RAP1GDS1: variants seen among roughly 807,000 people sequenced by gnomAD.
The protein encoded by RAP1GDS1 is Rap1 GTPase-GDP dissociation stimulator 1.
RAP1GDS1 carries 35 observed loss-of-function variants against 71.1 expected under a neutral mutation model. The ratio of observed to expected loss-of-function variants is 0.49; its 90% confidence interval spans 0.38 to 0.65. The LOEUF (loss-of-function observed/expected upper bound fraction) is 0.65. Among genes scored for constraint, RAP1GDS1 ranks in the 30% least tolerant of loss-of-function variants. The pLI is 0.00. For synonymous variants in RAP1GDS1, 229 were observed against 243.1 expected, an observed-to-expected ratio of 0.94 and a Z score of 0.54; for missense variants, 663 against 706.1, an observed-to-expected ratio of 0.94 and a Z score of 0.69.
chr4:98,443,069 G>C lies in RAP1GDS1; in HGVS notation c.*952G>C, dbSNP rs926987626. 2.7e-5 allele frequency: 5 copies of C among 181,928 alleles called. No individual in the cohort carries two copies. The highest frequency in any genetic ancestry group is 4.2e-5 in the Non-Finnish European group (4 of 95,932). The allele number at this position is 181,928 out of a possible 1,614,324, so 11.3% of individuals were successfully genotyped here. A position where few individuals can be genotyped will look rare whatever the true frequency, so the allele number is the denominator to read the frequency against. ...TTTTCATCATTCAGCTAGAAAGTGA[G>C]AAGTTTTATCTTCCATAGTCCTTTT... On this transcript the variant is annotated 3_prime_UTR_variant, in exon 15 of 15. Transcript: ENST00000408927.
At chr4:98,350,363 G>A (rs1461529558) in intron 3 of RAP1GDS1, among the ~76,000 whole-genome samples, 1 of 152,156 alleles carries the variant, frequency 6.6e-6, no homozygotes, top group Non-Finnish European at 1.5e-5. Flanking sequence ...TCAGTGAAAA[G>A]GATAATGAAC....
rs1752042669 is a variant in RAP1GDS1, at chr4:98,442,867, T to C, written c.*750T>C. ...ATTACAGAGCATTTCGGGTTTTGCT[T>C]GTATTTTAGATTCTGATACATACGC... On this transcript the variant is annotated 3_prime_UTR_variant, in exon 15 of 15. Coordinates refer to ENST00000408927, the MANE Select transcript of RAP1GDS1 (RefSeq NM_001100427.2). The C allele has an allele frequency of 4.3e-6, 1 of 231,496 alleles. No homozygotes were observed. The highest frequency in any genetic ancestry group is 2.2e-5 in the African/African-American group (1 of 45,262). 14.3% of individuals were successfully genotyped at this position (231,496 alleles called of 1,614,324 possible). A position where few individuals can be genotyped will look rare whatever the true frequency, so the allele number is the denominator to read the frequency against.
At chr4:98,327,227 G>T (rs1038880660) in intron 2 of RAP1GDS1, among the ~76,000 whole-genome samples, 2 of 152,252 alleles carry the variant, frequency 1.3e-5, no homozygotes, top group African/African-American at 4.8e-5. Flanking sequence ...TAACAGAAAT[G>T]ATATTTAGGA....
intron 1 of RAP1GDS1, among the ~76,000 whole-genome samples, chr4:98,263,644 G>GTGTCTTATGAAAAA (rs1722331411): frequency 2.0e-5 from 3 of 152,186 alleles, no homozygotes; most frequent in Non-Finnish European, 4.4e-5. Context: ...AAGATGAAAA[G>GTGTCTTATGAAAAA]TGTCTTATTA....
chr4:98,308,274 A>G (rs1729653142), intron 2 of RAP1GDS1, among the ~76,000 whole-genome samples: 1 of 137,150 alleles, frequency 7.3e-6, no homozygotes, highest in Non-Finnish European at 1.5e-5. Flanking sequence ...ACACACCCAC[A>G]CACATATATA....
intron 5 of RAP1GDS1, among the ~76,000 whole-genome samples, chr4:98,388,537 C>T (rs1743109234): frequency 1.3e-5 from 2 of 152,098 alleles, no homozygotes; most frequent in Non-Finnish European, 2.9e-5. Context: ...ACCAACCTGT[C>T]CAACATGGTG....
At chr4:98,378,610 G>GTT (rs1193746301) in intron 4 of RAP1GDS1, among the ~76,000 whole-genome samples, 2 of 151,684 alleles carry the variant, frequency 1.3e-5, no homozygotes, top group African/African-American at 4.8e-5. Context: ...ATGACAAAAA[G>GTT]TTATATTTAG....
At chr4:98,306,016 TG>T in intron 2 of RAP1GDS1, among the ~76,000 whole-genome samples, 1 of 152,300 alleles carries the variant, frequency 6.6e-6, no homozygotes, top group East Asian at 1.9e-4. Flanking sequence ...AAATTATACT[TG>T]GGGAAAAAGA....
chr4:98,314,359 A>T (rs1435431498), intron 2 of RAP1GDS1, among the ~76,000 whole-genome samples: 2 of 152,226 alleles, frequency 1.3e-5, no homozygotes, highest in Non-Finnish European at 2.9e-5. Context: ...AAAGAAATCA[A>T]GTTTCCTTGG....
At chr4:98,361,036 C>T (rs1738663006) in intron 4 of RAP1GDS1, among the ~76,000 whole-genome samples, 1 of 146,448 alleles carries the variant, frequency 6.8e-6, no homozygotes, top group African/African-American at 2.6e-5. Context: ...AAGATCACAG[C>T]ACTGTACTCC....
chr4:98,299,402 A>G (rs180972927), intron 2 of RAP1GDS1, among the ~76,000 whole-genome samples: 7 of 152,306 alleles, frequency 4.6e-5, no homozygotes. Context: ...GCATGAAAAT[A>G]TCAACATTAA....
intron 7 of RAP1GDS1, among the ~76,000 whole-genome samples, chr4:98,406,091 C>T (rs185850294): frequency 1.3e-5 from 2 of 151,696 alleles, no homozygotes; most frequent in South Asian, 2.1e-4. Context: ...CAAATGGAAG[C>T]GACTTATGGA....
intron 5 of RAP1GDS1, among the ~76,000 whole-genome samples, chr4:98,390,617 G>A (rs1431958983): frequency 2.0e-5 from 3 of 152,014 alleles, no homozygotes; most frequent in Non-Finnish European, 2.9e-5. Flanking sequence ...CACTCTAAAA[G>A]CAGGAAGAAT....
chr4:98,293,386 ATTT>A lies in RAP1GDS1; in HGVS notation c.5-13_5-11del, dbSNP rs377400040. 2.6e-6 allele frequency: 3 copies of A among 1,171,478 alleles called. No homozygotes were observed. The highest frequency in any genetic ancestry group is 1.6e-5 in the African/African-American group (1 of 62,798). 72.6% of individuals were successfully genotyped at this position (1,171,478 alleles called of 1,614,324 possible). A position where few individuals can be genotyped will look rare whatever the true frequency, so the allele number is the denominator to read the frequency against. On this transcript the variant is annotated intron_variant, in intron 1 of 14. Transcript: ENST00000408927. ...TGGTGGTCATAAGGTTGAGTTTCTG[ATTT>A]TTTTTTTTCTTTAAGCAGATAATCT... is the stretch of plus-strand genomic sequence containing the variant.
At chr4:98,405,412 C>T (rs1290708037) in intron 7 of RAP1GDS1, among the ~76,000 whole-genome samples, 1 of 151,696 alleles carries the variant, frequency 6.6e-6, no homozygotes, top group Non-Finnish European at 1.5e-5. Flanking sequence ...GAAAGAAATC[C>T]AATATGAACT....
chr4:98,368,378 A>G (rs1342358377), intron 4 of RAP1GDS1, among the ~76,000 whole-genome samples: 1 of 152,152 alleles, frequency 6.6e-6, no homozygotes, highest in Non-Finnish European at 1.5e-5. Flanking sequence ...GTATTACCTC[A>G]TCTTGGTTAA....
rs1403957870 is a variant in RAP1GDS1 at position 98,413,266 on chromosome 4, T to A, written c.764-3479T>A. 3.3e-5 allele frequency among the ~76,000 whole-genome samples: 5 copies of A among 152,048 alleles called. No individual in the cohort carries two copies. The East Asian group carries it at 9.7e-4, about 29-fold the overall frequency. ...TTAAGTTTTAGGGTACATGTACACA[T>A]TGTGCAGGTTAGTTACATATGTATA... On this transcript the variant is annotated intron_variant, in intron 7 of 14. Coordinates refer to ENST00000408927, the MANE Select transcript of RAP1GDS1 (RefSeq NM_001100427.2).
intron 1 of RAP1GDS1, among the ~76,000 whole-genome samples, chr4:98,286,384 A>G (rs1726018916): frequency 6.6e-6 from 1 of 152,078 alleles, no homozygotes. Flanking sequence ...TCACATATAC[A>G]CAGACATAAT....
At chr4:98,317,178 C>T (rs981907038) in intron 2 of RAP1GDS1, among the ~76,000 whole-genome samples, 30 of 151,966 alleles carry the variant, frequency 2.0e-4, no homozygotes, top group Non-Finnish European at 2.8e-4. Context: ...TAAATAAGGC[C>T]AGCTTGTGAT....
Sources: gnomAD v4.1 joint callset for allele counts (sites outside exome capture counted in the v4.1 genomes callset) on GRCh38, gnomAD v4.1.1 for gene constraint, MANE v1.5 for transcripts, NCBI Gene and HGNC (gene_info 2026-07-23, HGNC 2026-07-21) for gene names.